PRDM16: variants seen among roughly 807,000 people sequenced by gnomAD.
PRDM16 encodes the protein histone-lysine N-methyltransferase PRDM16.
In PRDM16, 23 loss-of-function variants were observed where a neutral mutation model predicts 110.6. The observed-to-expected ratio is 0.21, with a 90% confidence interval of 0.15 to 0.29. PRDM16 has a LOEUF of 0.29. Ranked by LOEUF, PRDM16 falls within the 10% of genes least tolerant of loss-of-function variation. PRDM16 has a pLI of 1.00. For synonymous variants in PRDM16, 799 were observed against 781.8 expected (o/e 1.02, Z -0.37); for missense variants, 1,615 against 1,794.3 (o/e 0.90, Z 1.81).
chr1:3,091,823 G>A (rs563242577), intron 1 of PRDM16, among the ~76,000 whole-genome samples: 5 of 152,300 alleles, frequency 3.3e-5, no homozygotes, highest in African/African-American at 4.8e-5. Context: ...CACTTGCCCC[G>A]ACTCTGTGAA....
At position 3,425,290 on chromosome 1, in the gene PRDM16, G is replaced by A. The variant is rs1003997167; in HGVS notation, c.2940-291G>A. On this transcript the variant is annotated intron_variant, in intron 12 of 16. Transcript: ENST00000270722. The surrounding 1 kb of genome is among the most constrained non-coding windows in gnomAD (Gnocchi z 6.9). ...AGACGGGGTTTCACCATGTCAGCCA[G>A]GATGGTCTCGATCTCCTGACCTCGT... 6.6e-5 allele frequency: 17 copies of A among 257,496 alleles called. No individual in the cohort carries two copies. The highest frequency in any genetic ancestry group is 3.8e-4 in the African/African-American group (17 of 45,048). The allele number at this position is 257,496 out of a possible 1,614,324, so 16.0% of individuals were successfully genotyped here.
Position 3,080,448 on chromosome 1 carries a change from C to T in PRDM16, c.37+11152C>T, listed in dbSNP as rs756094332. ...CATCCTTTTCTTTAATGAAACAGCC[C>T]GACAATGTGGCTAATTATTTATTTA... On this transcript the variant is annotated intron_variant, in intron 1 of 16. Coordinates refer to ENST00000270722, the MANE Select transcript of PRDM16 (RefSeq NM_022114.4). This position sits in a 1 kb window ranked among gnomAD's most constrained non-coding sequence, Gnocchi z 5.2. 2.3e-4 allele frequency among the ~76,000 whole-genome samples: 35 copies of T among 152,222 alleles called. No homozygotes were observed. The highest frequency in any genetic ancestry group is 4.3e-4 in the Non-Finnish European group (29 of 68,014).
chr1:3,275,252 G>A (rs1041518966), intron 3 of PRDM16, among the ~76,000 whole-genome samples: 5 of 152,194 alleles, frequency 3.3e-5, no homozygotes, highest in Non-Finnish European at 7.3e-5. Context: ...GAGTAACATC[G>A]GCCTGTCAGC....
chr1:3,404,848 G>T lies in PRDM16; in HGVS notation c.994G>T (p.Asp332Tyr), dbSNP rs372445366. Reference protein sequence around the residue: ...SNLIRHQMSHDSGKRFECENC... With the variant: ...SNLIRHQMSHYSGKRFECENC... ...CCTCATCCGCCACCAGATGTCCCACGACAGCGGCAAACGCTTCGAATGTGA... is the reference window on the plus strand; with the variant it reads ...CCTCATCCGCCACCAGATGTCCCACTACAGCGGCAAACGCTTCGAATGTGA... Residue 332 changes from aspartate (D) to tyrosine (Y), a missense_variant, in exon 7 of 17, where the codon GAC (aspartate) becomes TAC (tyrosine). By Grantham distance (160) the Asp-to-Tyr change is radical. Around this residue, in one of 5 missense-constraint regions of PRDM16, gnomAD observed 416 missense variants for 467.1 expected, o/e 0.89. Coordinates refer to ENST00000270722, the MANE Select transcript of PRDM16 (RefSeq NM_022114.4). 1.9e-6 allele frequency: 3 copies of T among 1,613,460 alleles called. No individual in the cohort carries two copies. Among genetic ancestry groups the T allele is most frequent in the Non-Finnish European group, 2.5e-6 (3 of 1,179,986 alleles).
Position 3,433,762 on chromosome 1 carries a change from C to T in PRDM16, c.3782C>T (p.Thr1261Ile), listed in dbSNP as rs1557675182. 6.2e-7 allele frequency: 1 copy of T among 1,613,980 alleles called. No homozygotes were observed. Among genetic ancestry groups the T allele is most frequent in the South Asian group, 1.1e-5 (1 of 91,090 alleles). ...TCTCTGGACGCTTGGTTGAAGGTCA[C>T]TGGAGCCACGTCGGAGTCTGGAGCA... ...QGSLDAWLKVTGATSESGAFH... is the reference protein window; with the variant it reads ...QGSLDAWLKVIGATSESGAFH... Residue 1261 changes from threonine (T) to isoleucine (I), a missense_variant, in exon 17 of 17, where the codon ACT becomes ATT. Thr to Ile is a moderately conservative substitution (Grantham distance 89). Transcript: ENST00000270722.
chr1:3,303,456 C>T (rs926506593), intron 3 of PRDM16, among the ~76,000 whole-genome samples: 10 of 152,322 alleles, frequency 6.6e-5, no homozygotes, highest in African/African-American at 2.2e-4. Flanking sequence ...CATTTTCTGT[C>T]TGCGTCCAAA....
intron 5 of PRDM16, among the ~76,000 whole-genome samples, chr1:3,400,080 C>T (rs1381893093): frequency 6.6e-6 from 1 of 152,230 alleles, no homozygotes; most frequent in Non-Finnish European, 1.5e-5. Context: ...CAGAGGCTCA[C>T]CTCGCTTTCC....
intron 12 of PRDM16, among the ~76,000 whole-genome samples, chr1:3,423,382 C>T (rs571968677): frequency 1.3e-5 from 2 of 152,304 alleles, no homozygotes; most frequent in East Asian, 3.9e-4. Flanking sequence ...CTGAAGCTTC[C>T]TGCCTTGGGG....
intron 1 of PRDM16, among the ~76,000 whole-genome samples, chr1:3,176,264 G>GTCCATCCA (rs1224462324): frequency 1.5e-4 from 22 of 147,652 alleles, no homozygotes; most frequent in East Asian, 6.4e-4. Context: ...TCCACCATCT[G>GTCCATCCA]TCCATCCATC....
chr1:3,414,720 TCA>T (rs1643751762), intron 10 of PRDM16, 73 bp downstream of exon 10: 6 of 1,206,286 alleles, frequency 5.0e-6, no homozygotes, highest in Non-Finnish European at 6.0e-6. Flanking sequence ...CTGTCGAGGC[TCA>T]GTGGCCAGGC....
At chr1:3,431,538 T>G (rs1185691927) in intron 15 of PRDM16, among the ~76,000 whole-genome samples, 3 of 152,210 alleles carry the variant, frequency 2.0e-5, no homozygotes, top group Non-Finnish European at 4.4e-5. Context: ...ATATCGGGCC[T>G]GGGCGACACT....
At chr1:3,432,255 A>G in intron 16 of PRDM16, 115 bp downstream of exon 16, 1 of 859,528 alleles carries the variant, frequency 1.2e-6, no homozygotes, top group East Asian at 2.5e-5. Flanking sequence ...TGGTCACGCA[A>G]ACGCCCCCAC....
chr1:3,161,535 G>A (rs1189988808), intron 1 of PRDM16, among the ~76,000 whole-genome samples: 1 of 152,196 alleles, frequency 6.6e-6, no homozygotes, highest in East Asian at 1.9e-4. Context: ...AAAATGAATA[G>A]TTATAAGCTC....
intron 2 of PRDM16, among the ~76,000 whole-genome samples, chr1:3,212,095 C>G (rs1036058371): frequency 6.6e-6 from 1 of 152,336 alleles, no homozygotes; most frequent in South Asian, 2.1e-4. Flanking sequence ...CTAATTTGCA[C>G]TCCATTCACC....
At chr1:3,338,266 GTCCTGCCAGGGGC>G (rs1210661598) in intron 3 of PRDM16, among the ~76,000 whole-genome samples, 1 of 152,266 alleles carries the variant, frequency 6.6e-6, no homozygotes, top group Non-Finnish European at 1.5e-5. Flanking sequence ...GGCTTCCGTG[GTCCTGCCAGGGGC>G]TCCTGTGGCC....
chr1:3,243,283 G>C lies in PRDM16; in HGVS notation c.388-804G>C, dbSNP rs932746266. On this transcript the variant is annotated intron_variant, in intron 2 of 16. Transcript: ENST00000270722. The surrounding 1 kb of genome is among the most constrained non-coding windows in gnomAD (Gnocchi z 5.5). ...TTTCTGCCTTAGCTCCATTTCCTTTGAGAAGTTTCCTCCAAAAGCCATGGG... is the reference window on the plus strand; with the variant it reads ...TTTCTGCCTTAGCTCCATTTCCTTTCAGAAGTTTCCTCCAAAAGCCATGGG... Among the ~76,000 whole-genome samples, 14 of 152,150 alleles carry C rather than the reference G, an allele frequency of 9.2e-5. No homozygotes were observed. Among genetic ancestry groups the C allele is most frequent in the Admixed American group, 9.2e-4 (14 of 15,288 alleles).
chr1:3,133,962 G>A lies in PRDM16; in HGVS notation c.38-52163G>A, dbSNP rs554484357. Among the ~76,000 whole-genome samples the A allele has an allele frequency of 2.6e-5, 4 of 152,246 alleles. No homozygotes were observed. In the South Asian group the frequency reaches 8.3e-4, roughly 31 times the overall value. On this transcript the variant is annotated intron_variant, in intron 1 of 16. Transcript: ENST00000270722. ...GAGAGCAGCCCCAAAGCACACACGT[G>A]TGAGAAGGAGGCTAGAGTTTTACTT...
chr1:3,428,172 C>CGCGCT lies in PRDM16; in HGVS notation c.3284+1949_3284+1950insGCTGC, dbSNP rs1557671388. On this transcript the variant is annotated intron_variant, in intron 14 of 16. Transcript: ENST00000270722. ...ACCCCGAGCTAGGGTGCAGCCCGGC[C>CGCGCT]GCACTGCAGGAGACCCACCAGGACC... Among the ~76,000 whole-genome samples the CGCGCT allele has an allele frequency of 2.8e-4, 42 of 150,348 alleles. 1 individual carries two copies. Among genetic ancestry groups the CGCGCT allele is most frequent in the African/African-American group, 9.8e-4 (40 of 40,642 alleles).
rs1039954853 is a variant in PRDM16 at position 3,245,384 on chromosome 1, G to A, written c.438+1247G>A. Among the ~76,000 whole-genome samples the A allele has an allele frequency of 6.6e-5, 10 of 152,214 alleles. No homozygotes were observed. The highest frequency in any genetic ancestry group is 5.9e-4 in the Admixed American group (9 of 15,292). Reference sequence around the variant, plus strand: ...ACCCACCATCTGGGCAGAGCTATCCGCAAAGCACAGGGGGACCTGACCCTT... The same window carrying A: ...ACCCACCATCTGGGCAGAGCTATCCACAAAGCACAGGGGGACCTGACCCTT... On this transcript the variant is annotated intron_variant, in intron 3 of 16. Coordinates refer to ENST00000270722, the MANE Select transcript of PRDM16 (RefSeq NM_022114.4). This position sits in a 1 kb window ranked among gnomAD's most constrained non-coding sequence, Gnocchi z 4.7.
Sources: allele counts gnomAD v4.1 joint callset (sites outside exome capture counted in the v4.1 genomes callset), GRCh38; gene constraint gnomAD v4.1.1; regional missense constraint gnomAD v4.1.1; non-coding constraint Gnocchi (gnomAD v3.1); transcripts MANE v1.5; gene names NCBI Gene and HGNC (gene_info 2026-07-23, HGNC 2026-07-21).